The following BPNT2 variants were observed in gnomAD, a reference collection of about 807,000 sequenced individuals.
BPNT2 encodes Golgi-resident adenosine 3',5'-bisphosphate 3'-phosphatase.
A neutral mutation model predicts 29.3 loss-of-function variants in BPNT2; 11 were observed. The ratio of observed to expected loss-of-function variants is 0.38; its 90% CI spans 0.24 to 0.62. BPNT2 has a LOEUF of 0.62. Ranked by LOEUF, BPNT2 falls within the 20% of genes least tolerant of loss-of-function variation. The pLI, the probability that BPNT2 is intolerant of heterozygous loss-of-function variation, is 0.62. For synonymous variants in BPNT2, 195 were observed against 187.7 expected, an observed-to-expected ratio of 1.04 and a Z score of -0.32; for missense variants, 459 against 473.4, an observed-to-expected ratio of 0.97 and a Z score of 0.28.
Position 56,963,736 on chromosome 8 carries a change from A to T in BPNT2, c.*57T>A, listed in dbSNP as rs925947188. 6.3e-6 allele frequency: 10 copies of T among 1,594,284 alleles called. No homozygotes were observed. Among genetic ancestry groups the T allele is most frequent in the Middle Eastern group, 1.7e-4 (1 of 6,002 alleles). On this transcript the variant is annotated 3_prime_UTR_variant, in exon 5 of 5. Coordinates refer to ENST00000262644, the MANE Select transcript of BPNT2 (RefSeq NM_017813.5). ...TCTCCACCAATCCTTTGAAGCTTCC[A>T]GCATCTCAGGCTAACCATTTCAGCT...
In BPNT2 at chr8:56,958,925, G is replaced by C. The variant is rs1194902701; in HGVS notation, c.*4868C>G. 2 of 152,098 alleles carry C rather than the reference G, an allele frequency of 1.3e-5. No homozygotes were observed. Among genetic ancestry groups the C allele is most frequent in the African/African-American group, 4.8e-5 (2 of 41,408 alleles). The allele number at this position is 152,098 out of a possible 1,614,324, so 9.4% of individuals were successfully genotyped here. On this transcript the variant is annotated 3_prime_UTR_variant, in exon 5 of 5. Transcript: ENST00000262644. ...GAAGTAGATAATTTCAGTGACGGAG[G>C]GGATGAAATATTTTTTGGTTAATTG... is the stretch of plus-strand genomic sequence containing the variant.
intron 3 of BPNT2, among the ~76,000 whole-genome samples, chr8:56,975,807 G>GA (rs1266713927): frequency 1.3e-5 from 2 of 152,132 alleles, no homozygotes; most frequent in Non-Finnish European, 2.9e-5. Flanking sequence ...GTGTGACACT[G>GA]ATTTGAATAA....
intron 1 of BPNT2, among the ~76,000 whole-genome samples, chr8:56,980,702 A>T (rs767471344): frequency 6.6e-6 from 1 of 151,108 alleles, no homozygotes; most frequent in African/African-American, 2.4e-5. Flanking sequence ...ATATGTAAGG[A>T]TGTGGGGTAA....
chr8:56,993,069 G>A, intron 1 of BPNT2, 130 bp downstream of exon 1: 2 of 1,517,840 alleles, frequency 1.3e-6, no homozygotes, highest in South Asian at 1.2e-5. Flanking sequence ...CCTTGTGCAC[G>A]TTAACTTCTG....
intron 4 of BPNT2, 105 bp from the exon 5 acceptor site, chr8:56,964,169 G>GC: frequency 3.8e-6 from 3 of 786,580 alleles, no homozygotes; most frequent in Non-Finnish European, 6.2e-6. Flanking sequence ...GGAGTGTGCA[G>GC]GAGCTTGCTG....
intron 3 of BPNT2, among the ~76,000 whole-genome samples, chr8:56,972,784 T>C (rs953566292): frequency 2.0e-5 from 3 of 151,764 alleles, no homozygotes; most frequent in Non-Finnish European, 4.4e-5. Context: ...CCAGATGCCA[T>C]TAAGAAAATC....
In BPNT2 at chr8:56,993,357, C is replaced by T; in HGVS notation, c.229G>A (p.Gly77Ser). The change falls in exon 1 of 5, where the codon GGC becomes AGC. Residue 77 changes from glycine (G) to serine (S), a missense_variant. Physicochemically the swap from Gly to Ser is moderately conservative, Grantham distance 56. Transcript: ENST00000262644. Reference sequence around the variant, plus strand: ...CGGACGCGCCTCACCTCGTCGCCGCCGCGGACTGCGGCCAGCACTGACACA... The same window carrying T: ...CGGACGCGCCTCACCTCGTCGCCGCTGCGGACTGCGGCCAGCACTGACACA... ...LAVSVLAAVR[G>S]GDEVRRVRES... 1 of 1,610,474 alleles carries T rather than the reference C, an allele frequency of 6.2e-7. No individual in the cohort carries two copies. Among genetic ancestry groups the T allele is most frequent in the Non-Finnish European group, 8.5e-7 (1 of 1,179,878 alleles).
intron 1 of BPNT2, among the ~76,000 whole-genome samples, chr8:56,981,989 A>C (rs534463577): frequency 1.3e-5 from 2 of 152,322 alleles, no homozygotes; most frequent in African/African-American, 4.8e-5. Flanking sequence ...AAAGTTGCAG[A>C]GACACAGACA....
In BPNT2 at chr8:56,963,868, G is replaced by A. The variant is rs1384788380; in HGVS notation, c.1005C>T (p.Leu335=). The part of the protein sequence containing the change: ...YTGSDGIEGG[L]LASIRMNHQA... ...GGTGGTTCATTCTGATGCTAGCAAGGAGTCCCCCTTCAATGCCGTCTGAAC... is the reference window on the plus strand; with the variant it reads ...GGTGGTTCATTCTGATGCTAGCAAGAAGTCCCCCTTCAATGCCGTCTGAAC... The change falls in exon 5 of 5, where the codon CTC becomes CTT. Residue 335 remains leucine (L), a synonymous_variant. Coordinates refer to ENST00000262644, the MANE Select transcript of BPNT2 (RefSeq NM_017813.5). 6.2e-7 allele frequency: 1 copy of A among 1,614,074 alleles called. No individual in the cohort carries two copies. The highest frequency in any genetic ancestry group is 1.1e-5 in the South Asian group (1 of 91,080).
At chr8:56,969,138 T>C (rs1805993827) in intron 3 of BPNT2, among the ~76,000 whole-genome samples, 1 of 152,238 alleles carries the variant, frequency 6.6e-6, no homozygotes, top group African/African-American at 2.4e-5. Flanking sequence ...CACTGACTCC[T>C]TGATACCAGA....
intron 3 of BPNT2, among the ~76,000 whole-genome samples, chr8:56,971,973 C>T (rs1248927693): frequency 6.6e-6 from 1 of 151,710 alleles, no homozygotes; most frequent in East Asian, 1.9e-4. Flanking sequence ...CAGGCATCTG[C>T]AGTTCCAGCT....
In BPNT2 at chr8:56,980,304, A is replaced by C. The variant is rs1317297632; in HGVS notation, c.388-107T>G. ...AATCACCCAAATTATAAATAAGTAA[A>C]TCCCTATTTTTATTTCTTTTGATGC... On this transcript the variant is annotated intron_variant, in intron 1 of 4. Transcript: ENST00000262644. The C allele has an allele frequency of 6.0e-5, 52 of 870,266 alleles. No homozygotes were observed. In the South Asian group the frequency reaches 7.1e-4, roughly 12 times the overall value. 53.9% of individuals were successfully genotyped at this position (870,266 alleles called of 1,614,324 possible).
intron 2 of BPNT2, among the ~76,000 whole-genome samples, chr8:56,978,436 C>T (rs1253901970): frequency 6.6e-6 from 1 of 152,116 alleles, no homozygotes; most frequent in East Asian, 1.9e-4. Flanking sequence ...AATGCTTATA[C>T]ACTGTTGGTG....
At chr8:56,972,211 A>C (rs1205699261) in intron 3 of BPNT2, among the ~76,000 whole-genome samples, 1 of 152,146 alleles carries the variant, frequency 6.6e-6, no homozygotes, top group Non-Finnish European at 1.5e-5. Context: ...TATTTTTCAT[A>C]GTGTTTAGTA....
chr8:56,989,593 C>G (rs1378102580), intron 1 of BPNT2, among the ~76,000 whole-genome samples: 1 of 152,178 alleles, frequency 6.6e-6, no homozygotes, highest in Non-Finnish European at 1.5e-5. Flanking sequence ...AACTTCCCCA[C>G]TGCTTGAGTC....
chr8:56,968,388 TTAA>T (rs1186962354), intron 3 of BPNT2, among the ~76,000 whole-genome samples: 1 of 141,776 alleles, frequency 7.1e-6, no homozygotes, highest in East Asian at 2.3e-4. Context: ...AAGTGATAGA[TTAA>T]AAAAAAAAAA....
At chr8:56,980,695 T>C (rs1027846619) in intron 1 of BPNT2, among the ~76,000 whole-genome samples, 19 of 150,978 alleles carry the variant, frequency 1.3e-4, no homozygotes, top group Non-Finnish European at 3.0e-5. Flanking sequence ...CATACAGATA[T>C]GTAAGGATGT....
At position 56,980,064 on chromosome 8, in the gene BPNT2, T is replaced by A. The variant is rs1563409438; in HGVS notation, c.521A>T (p.Asp174Val). Residue 174 changes from aspartate to valine, a missense_variant, in exon 2 of 5, where the codon GAC becomes GTC. Physicochemically the swap from Asp to Val is radical, Grantham distance 152. Transcript: ENST00000262644. ...VPAESVTVWI[D>V]PLDATQEYTE... ...ATATTCCTGTGTAGCATCAAGTGGG[T>A]CAATCCAGACAGTAACACTTTCTGC... 6.2e-7 allele frequency: 1 copy of A among 1,613,900 alleles called. No individual in the cohort carries two copies. The highest frequency in any genetic ancestry group is 8.5e-7 in the Non-Finnish European group (1 of 1,179,888).
In BPNT2 at chr8:56,964,045, A is replaced by C. The variant is rs1370556435; in HGVS notation, c.828T>G (p.Leu276=). ...CTTGACTCTTATCAGGCACATCCAA[A>C]AGTGCTAAAACTTTATAACCTAAAA... is the stretch of plus-strand genomic sequence containing the variant. The part of the protein sequence containing the change: ...AGGAGYKVLA[L]LDVPDKSQEK... Residue 276 remains leucine, a synonymous_variant, in exon 5 of 5, where the codon CTT becomes CTG. Coordinates refer to ENST00000262644, the MANE Select transcript of BPNT2 (RefSeq NM_017813.5). 3 of 1,596,172 alleles carry C rather than the reference A, an allele frequency of 1.9e-6. No individual in the cohort carries two copies. Among genetic ancestry groups the C allele is most frequent in the Non-Finnish European group, 2.6e-6 (3 of 1,168,668 alleles).
Sources: gnomAD v4.1 joint callset for allele counts (sites outside exome capture counted in the v4.1 genomes callset) on GRCh38, gnomAD v4.1.1 for gene constraint, MANE v1.5 for transcripts, NCBI Gene and HGNC (gene_info 2026-07-23, HGNC 2026-07-21) for gene names.